The following LRRTM4 variants were observed in gnomAD, a reference collection of about 807,000 sequenced individuals.
LRRTM4 encodes leucine rich repeat transmembrane neuronal 4.
A neutral mutation model predicts 47.6 loss-of-function variants in LRRTM4; 25 were observed. The observed-to-expected ratio is 0.53, with a 90% CI of 0.38 to 0.73. LRRTM4 has a LOEUF of 0.73. Among genes scored for constraint, LRRTM4 ranks in the 30% least tolerant of loss-of-function variants. The probability of loss-of-function intolerance (pLI) is 0.00; values close to 1 mark genes in which losing one functional copy is unlikely to be tolerated. For synonymous variants in LRRTM4, 311 were observed against 269.5 expected, an observed-to-expected ratio of 1.15 and a Z score of -1.51; for missense variants, 638 against 713.4, an observed-to-expected ratio of 0.89 and a Z score of 1.20.
At chr2:77,504,516 T>G (rs1678693537) in intron 3 of LRRTM4, among the ~76,000 whole-genome samples, 1 of 151,664 alleles carries the variant, frequency 6.6e-6, no homozygotes, top group Non-Finnish European at 1.5e-5. Flanking sequence ...AGAACATTGA[T>G]GTAATTTCCT....
At chr2:77,420,263 C>T (rs542328065) in intron 3 of LRRTM4, among the ~76,000 whole-genome samples, 1 of 152,226 alleles carries the variant, frequency 6.6e-6, no homozygotes, top group South Asian at 2.1e-4. Flanking sequence ...TCAAAGCAAA[C>T]CAGCAAAGAA....
chr2:77,224,636 G>C (rs1426916575), intron 3 of LRRTM4, among the ~76,000 whole-genome samples: 1 of 152,194 alleles, frequency 6.6e-6, no homozygotes, highest in Non-Finnish European at 1.5e-5. Context: ...GGCGGTCAGA[G>C]AAATGCAAAT....
chr2:77,235,960 C>G (rs1675092719), intron 3 of LRRTM4, among the ~76,000 whole-genome samples: 1 of 152,006 alleles, frequency 6.6e-6, no homozygotes. Flanking sequence ...AATGTGATGC[C>G]TCTACTTTTG....
At chr2:77,033,088 T>C (rs1401686661) in intron 3 of LRRTM4, among the ~76,000 whole-genome samples, 1 of 151,974 alleles carries the variant, frequency 6.6e-6, no homozygotes, top group Non-Finnish European at 1.5e-5. Context: ...AGTTGAAAAA[T>C]AGCTGAAAAA....
At chr2:77,140,915 C>T (rs1407874950) in intron 3 of LRRTM4, among the ~76,000 whole-genome samples, 5 of 152,122 alleles carry the variant, frequency 3.3e-5, no homozygotes, top group East Asian at 1.9e-4. Flanking sequence ...ATCAAAACCA[C>T]AGTGAGATAC....
chr2:76,964,140 C>G (rs572560857), intron 3 of LRRTM4, among the ~76,000 whole-genome samples: 3 of 150,962 alleles, frequency 2.0e-5, no homozygotes, highest in Middle Eastern at 3.4e-3. Context: ...CCCTATGAGC[C>G]AAACAAAATG....
chr2:77,008,873 T>C (rs574339638), intron 3 of LRRTM4, among the ~76,000 whole-genome samples: 2 of 151,964 alleles, frequency 1.3e-5, no homozygotes, highest in South Asian at 2.1e-4. Flanking sequence ...GGGTTAGCAC[T>C]TTCTGTCTAA....
At chr2:77,249,586 T>C (rs1240828816) in intron 3 of LRRTM4, among the ~76,000 whole-genome samples, 1 of 152,066 alleles carries the variant, frequency 6.6e-6, no homozygotes, top group Non-Finnish European at 1.5e-5. Context: ...TTATATGTCA[T>C]AAGAAAATGG....
chr2:77,250,211 G>C (rs889528327), intron 3 of LRRTM4, among the ~76,000 whole-genome samples: 18 of 152,156 alleles, frequency 1.2e-4, no homozygotes, highest in Admixed American at 1.1e-3. Context: ...GTGTAGGGCA[G>C]TGAAACTATC....
chr2:77,234,146 G>C (rs1010099277), intron 3 of LRRTM4, among the ~76,000 whole-genome samples: 1 of 152,142 alleles, frequency 6.6e-6, no homozygotes, highest in Non-Finnish European at 1.5e-5. Flanking sequence ...AGTACTAGAT[G>C]TATCTGACAA....
At chr2:77,377,033 T>C (rs1672866810) in intron 3 of LRRTM4, among the ~76,000 whole-genome samples, 1 of 151,998 alleles carries the variant, frequency 6.6e-6, no homozygotes, top group Non-Finnish European at 1.5e-5. Flanking sequence ...TTTTATATTA[T>C]GAGTGATGAT....
intron 3 of LRRTM4, among the ~76,000 whole-genome samples, chr2:77,004,568 G>C (rs113901246): frequency 6.6e-6 from 1 of 152,118 alleles, no homozygotes; most frequent in Admixed American, 6.5e-5. Flanking sequence ...GAGAACCTCT[G>C]CTAGAGCAGT....
chr2:76,924,257 G>A (rs1882350), intron 3 of LRRTM4, among the ~76,000 whole-genome samples: 7,938 of 152,076 alleles, frequency 0.052, 478 homozygotes, highest in East Asian at 0.13. Context: ...TCATGAGACT[G>A]GAACTAAGGT....
At chr2:76,776,914 C>G (rs1674034557) in intron 3 of LRRTM4, among the ~76,000 whole-genome samples, 1 of 140,620 alleles carries the variant, frequency 7.1e-6, no homozygotes, top group Non-Finnish European at 1.5e-5. Flanking sequence ...AGTCTTTAAT[C>G]CATCTTGAAT....
intron 3 of LRRTM4, among the ~76,000 whole-genome samples, chr2:77,131,201 T>A (rs1243911694): frequency 6.6e-6 from 1 of 152,188 alleles, no homozygotes; most frequent in Non-Finnish European, 1.5e-5. Context: ...GATATCTGAA[T>A]GTGTGCTAAA....
intron 3 of LRRTM4, among the ~76,000 whole-genome samples, chr2:76,807,069 G>A (rs944687803): frequency 8.6e-5 from 13 of 151,924 alleles, no homozygotes; most frequent in Admixed American, 3.9e-4. Flanking sequence ...AATAAAATAG[G>A]CTGCTTCTAC....
chr2:76,956,808 G>A (rs899238139), intron 3 of LRRTM4, among the ~76,000 whole-genome samples: 1 of 151,278 alleles, frequency 6.6e-6, no homozygotes, highest in Non-Finnish European at 1.5e-5. Flanking sequence ...AGATTACTAT[G>A]AAAAATTTTG....
At chr2:77,033,674 CA>C (rs1375788284) in intron 3 of LRRTM4, among the ~76,000 whole-genome samples, 1 of 151,848 alleles carries the variant, frequency 6.6e-6, no homozygotes, top group Non-Finnish European at 1.5e-5. Context: ...CTATGCTATG[CA>C]AAAGTCAACA....
chr2:77,411,402 T>C (rs577945900), intron 3 of LRRTM4, among the ~76,000 whole-genome samples: 20 of 151,410 alleles, frequency 1.3e-4, no homozygotes, highest in Admixed American at 5.9e-4. Context: ...TTCTTTCTTC[T>C]TTATTTCTCT....
Sources: gnomAD v4.1 joint callset for allele counts (sites outside exome capture counted in the v4.1 genomes callset) on GRCh38, gnomAD v4.1.1 for gene constraint, MANE v1.5 for transcripts, NCBI Gene and HGNC (gene_info 2026-07-23, HGNC 2026-07-21) for gene names.